ACO2: variants seen among roughly 807,000 people sequenced by gnomAD.
ACO2 encodes the protein aconitase 2, also known as aconitate hydratase, mitochondrial.
In ACO2, 31 loss-of-function variants were observed where a neutral mutation model predicts 84.5. That is an observed-to-expected ratio of 0.37 (90% confidence interval 0.28 to 0.50). The LOEUF is 0.50. ACO2 is among the 20% of genes least tolerant of loss of function. ACO2 has a pLI of 0.97. For missense variants in ACO2, 685 were observed against 1,029.3 expected (o/e 0.67, Z 4.58); for synonymous variants, 414 against 412.7 (o/e 1.00, Z -0.04).
chr22:41,520,726 C>T (rs150655566), intron 9 of ACO2, among the ~76,000 whole-genome samples: 2 of 151,780 alleles, frequency 1.3e-5, no homozygotes, highest in Non-Finnish European at 2.9e-5. Context: ...CCTGTAGCCC[C>T]AGCTACTTGG....
Position 41,515,604 on chromosome 22 carries a change from G to A in ACO2, c.684+69G>A, listed in dbSNP as rs550175812. On this transcript the variant is annotated intron_variant, in intron 5 of 17. Transcript: ENST00000216254. This position sits in a 1 kb window ranked among gnomAD's most constrained non-coding sequence, Gnocchi z 5.8. Reference sequence around the variant, plus strand: ...TGGTTGGTGGGGATGAACGGGAGACGGTGGGACCCAGGAGGGAAAAGGGAA... The same window carrying A: ...TGGTTGGTGGGGATGAACGGGAGACAGTGGGACCCAGGAGGGAAAAGGGAA... 8.2e-5 allele frequency: 129 copies of A among 1,575,520 alleles called. No individual in the cohort carries two copies. The East Asian group carries it at 2.6e-3, about 32-fold the overall frequency.
intron 1 of ACO2, among the ~76,000 whole-genome samples, chr22:41,480,601 G>A (rs1201432650): frequency 1.3e-5 from 2 of 152,152 alleles, no homozygotes; most frequent in Non-Finnish European, 2.9e-5. Flanking sequence ...GGCGAACTGA[G>A]TAATAGCAGC....
intron 9 of ACO2, 119 bp downstream of exon 9, chr22:41,520,395 T>C (rs1280750399): frequency 4.1e-6 from 3 of 733,030 alleles, no homozygotes; most frequent in Non-Finnish European, 4.3e-6. Context: ...GTTTCTGAAA[T>C]GGGTTTATTA....
intron 2 of ACO2, among the ~76,000 whole-genome samples, chr22:41,506,933 C>T (rs900953163): frequency 6.6e-6 from 1 of 151,884 alleles, no homozygotes; most frequent in Non-Finnish European, 1.5e-5. Flanking sequence ...GGGAGTCAGC[C>T]GGAACGTTGA....
chr22:41,503,747 T>C lies in ACO2; in HGVS notation c.173+3885T>C, dbSNP rs1213277142. On this transcript the variant is annotated intron_variant, in intron 2 of 17. Coordinates refer to ENST00000216254, the MANE Select transcript of ACO2 (RefSeq NM_001098.3). Reference sequence around the variant, plus strand: ...ATATTTTTGGTTGTCATAACTTGGCTGGGGTTGGGGCTTACTGTTACCCAA... The same window carrying C: ...ATATTTTTGGTTGTCATAACTTGGCCGGGGTTGGGGCTTACTGTTACCCAA... Among the ~76,000 whole-genome samples the C allele has an allele frequency of 2.6e-5, 4 of 152,124 alleles. No individual in the cohort carries two copies. The East Asian group carries it at 7.7e-4, about 29-fold the overall frequency.
chr22:41,499,632 A>C, intron 1 of ACO2, 94 bp from the exon 2 acceptor site: 2 of 1,394,940 alleles, frequency 1.4e-6, no homozygotes, highest in South Asian at 2.7e-5. Flanking sequence ...TTGACACTTT[A>C]ATTCCTGGAT....
chr22:41,512,868 C>T (rs1297872153), intron 4 of ACO2, among the ~76,000 whole-genome samples: 1 of 152,180 alleles, frequency 6.6e-6, no homozygotes, highest in Non-Finnish European at 1.5e-5. Flanking sequence ...CATTTACATC[C>T]ACCCTGTATG....
At chr22:41,481,520 G>T (rs532603518) in intron 1 of ACO2, among the ~76,000 whole-genome samples, 4 of 152,208 alleles carry the variant, frequency 2.6e-5, no homozygotes, top group Non-Finnish European at 5.9e-5. Flanking sequence ...AGTCCGTTTC[G>T]ATTGTAGTAT....
chr22:41,520,341 G>C, intron 9 of ACO2, 65 bp downstream of exon 9: 1 of 1,321,458 alleles, frequency 7.6e-7, no homozygotes, highest in South Asian at 1.2e-5. Flanking sequence ...CAGGGCTGTA[G>C]ACAATCACCT....
Position 41,517,640 on chromosome 22 carries a change from G to A in ACO2, c.940+9G>A, listed in dbSNP as rs2066486012. 1 of 1,611,814 alleles carries A rather than the reference G, an allele frequency of 6.2e-7. No homozygotes were observed. The highest frequency in any genetic ancestry group is 8.5e-7 in the Non-Finnish European group (1 of 1,178,326). The stretch of plus-strand genomic sequence containing the variant: ...CAAGACCGGCCGGGAAGGTGAGCTG[G>A]CAGGGGCAGGCCCGTGTGGGTGGAA... On this transcript the variant is annotated intron_variant, in intron 7 of 17. Coordinates refer to ENST00000216254, the MANE Select transcript of ACO2 (RefSeq NM_001098.3).
At chr22:41,490,765 C>CG (rs1222919443) in intron 1 of ACO2, among the ~76,000 whole-genome samples, 8 of 152,272 alleles carry the variant, frequency 5.3e-5, no homozygotes, top group African/African-American at 1.7e-4. Context: ...TCTCACAAGA[C>CG]TAACTCAACC....
At chr22:41,508,127 C>G in intron 3 of ACO2, 78 bp downstream of exon 3, 1 of 1,506,986 alleles carries the variant, frequency 6.6e-7, no homozygotes, top group Non-Finnish European at 8.9e-7. Context: ...TGGAGCAAAC[C>G]AGGGCATTGC....
intron 1 of ACO2, among the ~76,000 whole-genome samples, chr22:41,492,404 A>C (rs2066277991): frequency 6.6e-6 from 1 of 152,194 alleles, no homozygotes. Context: ...TGGGAGGCCG[A>C]GGCAGGCGGA....
At position 41,469,188 on chromosome 22, in the gene ACO2, C is replaced by G; in HGVS notation, c.36+6C>G. 1 of 1,606,496 alleles carries G rather than the reference C, an allele frequency of 6.2e-7. No individual in the cohort carries two copies. Among genetic ancestry groups the G allele is most frequent in the Non-Finnish European group, 8.5e-7 (1 of 1,176,276 alleles). Reference sequence around the variant, plus strand: ...TACTGGTGACTCGGCTGCAGGTGAGCGAGCTCAGGGACCTCTGGGTTCACG... The same window carrying G: ...TACTGGTGACTCGGCTGCAGGTGAGGGAGCTCAGGGACCTCTGGGTTCACG... On this transcript the variant is annotated splice_donor_region_variant and intron_variant, in intron 1 of 17. Coordinates refer to ENST00000216254, the MANE Select transcript of ACO2 (RefSeq NM_001098.3).
chr22:41,523,345 G>T, intron 11 of ACO2, 67 bp downstream of exon 11: 1 of 1,308,736 alleles, frequency 7.6e-7, no homozygotes, highest in South Asian at 1.3e-5. Flanking sequence ...GAAGTTGGAG[G>T]GGGAATTATT....
intron 3 of ACO2, among the ~76,000 whole-genome samples, chr22:41,508,764 C>T (rs777004703): frequency 2.0e-5 from 3 of 152,200 alleles, no homozygotes; most frequent in Non-Finnish European, 2.9e-5. Flanking sequence ...TTGGCAACAG[C>T]GGGCCTCTCT....
In ACO2 at chr22:41,516,000, G is replaced by A; in HGVS notation, c.835+83G>A. The A allele has an allele frequency of 6.6e-7, 1 of 1,516,780 alleles. No homozygotes were observed. The highest frequency in any genetic ancestry group is 9.0e-7 in the Non-Finnish European group (1 of 1,113,014). The allele number at this position is 1,516,780 out of a possible 1,614,324, so 94.0% of individuals were successfully genotyped here. On this transcript the variant is annotated intron_variant, in intron 6 of 17. Transcript: ENST00000216254. This position sits in a 1 kb window ranked among gnomAD's most constrained non-coding sequence, Gnocchi z 5.8. ...CAGTTGGGAGTAGAAGCGGTGAATG[G>A]CCTTCACTTGAGAATCTGTCTGTTC...
intron 1 of ACO2, among the ~76,000 whole-genome samples, chr22:41,489,970 T>C (rs2066260153): frequency 6.6e-6 from 1 of 152,198 alleles, no homozygotes. Flanking sequence ...TCTTCACTAT[T>C]TGCCTGGTTT....
intron 9 of ACO2, chr22:41,521,393 A>C (rs1453284767): frequency 1.3e-5 from 2 of 152,226 alleles, no homozygotes; most frequent in Non-Finnish European, 2.9e-5. Flanking sequence ...CTGGGCTTGA[A>C]TCCTGGCTCT....
Sources: allele counts gnomAD v4.1 joint callset (sites outside exome capture counted in the v4.1 genomes callset), GRCh38; gene constraint gnomAD v4.1.1; non-coding constraint Gnocchi (gnomAD v3.1); transcripts MANE v1.5; gene names NCBI Gene and HGNC (gene_info 2026-07-23, HGNC 2026-07-21).